Variants in TSPOAP1 observed in about 807,000 individuals in gnomAD.
TSPOAP1 encodes TSPO associated protein 1, also known as peripheral-type benzodiazepine receptor-associated protein 1.
In TSPOAP1, 87 loss-of-function variants were observed where a neutral mutation model predicts 197.0. That is an observed-to-expected ratio of 0.44 (90% CI 0.37 to 0.53). The LOEUF (loss-of-function observed/expected upper bound fraction) is 0.53. Ranked by LOEUF, TSPOAP1 falls within the 20% of genes least tolerant of loss-of-function variation. The pLI, the probability that TSPOAP1 is intolerant of heterozygous loss-of-function variation, is 0.00. For missense variants in TSPOAP1, 2,174 were observed against 2,411.3 expected (o/e 0.90, Z 2.06); for synonymous variants, 913 against 998.9 (o/e 0.91, Z 1.62).
Position 58,304,504 on chromosome 17 carries a change from G to A in TSPOAP1, c.5545-105C>T. ...GCAGGGGTGGGCCCTACTCTCCAAG[G>A]CCTTTGTGTTCACACATGGAAGCCC... On this transcript the variant is annotated intron_variant, in intron 30 of 31. Transcript: ENST00000343736. The surrounding 1 kb of genome is among the most constrained non-coding windows in gnomAD (Gnocchi z 4.2). 1 of 900,472 alleles carries A rather than the reference G, an allele frequency of 1.1e-6. No individual in the cohort carries two copies. Among genetic ancestry groups the A allele is most frequent in the Non-Finnish European group, 1.9e-6 (1 of 538,658 alleles). 55.8% of individuals were successfully genotyped at this position (900,472 alleles called of 1,614,324 possible).
Position 58,311,939 on chromosome 17 carries a change from C to T in TSPOAP1, c.2882G>A (p.Arg961Lys), listed in dbSNP as rs777046865. 2 of 1,585,018 alleles carry T rather than the reference C, an allele frequency of 1.3e-6. No homozygotes were observed. The highest frequency in any genetic ancestry group is 3.5e-5 in the Admixed American group (2 of 57,836). ...PQGPWEPGWE[R>K]LEQRAATLQF... is the part of the protein sequence containing the mutation. ...CAGGGTGGCAGCCCGCTGCTCCAGC[C>T]TCTCCCAGCCTGGTTCCCAGGGCCC... The change falls in exon 17 of 32, where the codon AGG (arginine) becomes AAG (lysine). Residue 961 changes from arginine (R) to lysine (K), a missense_variant. Physicochemically the swap from Arg to Lys is conservative, Grantham distance 26. Coordinates refer to ENST00000343736, the MANE Select transcript of TSPOAP1 (RefSeq NM_004758.4).
chr17:58,314,692 T>C (rs953635496), intron 16 of TSPOAP1, among the ~76,000 whole-genome samples: 8 of 152,228 alleles, frequency 5.3e-5, no homozygotes, highest in African/African-American at 1.9e-4. Context: ...CAAGCCACTC[T>C]ATGGTAATTG....
At position 58,328,395 on chromosome 17, in the gene TSPOAP1, T is replaced by G. The variant is rs117567132; in HGVS notation, c.-475A>C. The G allele has an allele frequency of 3.3e-3, 640 of 193,610 alleles. 3 individuals carry two copies. Among genetic ancestry groups the G allele is most frequent in the African/African-American group, 0.014 (585 of 43,136 alleles). 12.0% of individuals were successfully genotyped at this position (193,610 alleles called of 1,614,324 possible). ...TGCCAGTTGTTTGTGTGTGTGTGTG[T>G]GGGTGTCTGTATTGCAGGGCTGTGG... On this transcript the variant is annotated 5_prime_UTR_variant, in exon 1 of 32. Coordinates refer to ENST00000343736, the MANE Select transcript of TSPOAP1 (RefSeq NM_004758.4). The surrounding 1 kb of genome is among the most constrained non-coding windows in gnomAD (Gnocchi z 4.3).
In TSPOAP1 at chr17:58,304,765, G is replaced by C. The variant is rs1419686360; in HGVS notation, c.5544+296C>G. The C allele has an allele frequency of 1.7e-6, 1 of 587,254 alleles. No homozygotes were observed. 36.4% of individuals were successfully genotyped at this position (587,254 alleles called of 1,614,324 possible). ...GATTGGCCACAGGTGTGAGGCAGAGGGGTCCTTTTCCACAGGGCCCCCTCA... is the reference window on the plus strand; with the variant it reads ...GATTGGCCACAGGTGTGAGGCAGAGCGGTCCTTTTCCACAGGGCCCCCTCA... On this transcript the variant is annotated intron_variant, in intron 30 of 31. Coordinates refer to ENST00000343736, the MANE Select transcript of TSPOAP1 (RefSeq NM_004758.4). This position sits in a 1 kb window ranked among gnomAD's most constrained non-coding sequence, Gnocchi z 4.2.
chr17:58,325,167 C>T (rs902412012), intron 4 of TSPOAP1, among the ~76,000 whole-genome samples, 165 bp from the exon 5 acceptor site: 1 of 152,172 alleles, frequency 6.6e-6, no homozygotes, highest in Non-Finnish European at 1.5e-5. Context: ...GCGTATGTGG[C>T]CACATGCTCC....
intron 12 of TSPOAP1, among the ~76,000 whole-genome samples, chr17:58,319,655 C>T (rs541536170): frequency 6.6e-6 from 1 of 152,370 alleles, no homozygotes; most frequent in East Asian, 1.9e-4. Flanking sequence ...GGAGTTTTCT[C>T]AGCTCCACTG....
Position 58,327,845 on chromosome 17 carries a change from T to C in TSPOAP1, c.76A>G (p.Ser26Gly), listed in dbSNP as rs1162808632. Residue 26 changes from serine (S) to glycine (G), a missense_variant, in exon 1 of 32, where the codon AGC (serine) becomes GGC (glycine). By Grantham distance (56) the Ser-to-Gly change is moderately conservative (BLOSUM62 0). Around this residue, in one of 5 missense-constraint regions of TSPOAP1, gnomAD observed 1,933 missense variants for 2,139.0 expected, o/e 0.90. Transcript: ENST00000343736. The stretch of plus-strand genomic sequence containing the variant: ...TCACCCCCTCGACCTGGAGTCCAGC[T>C]ATGCCAGGTGGGCAGTGCCCATGGC... ...MEPWALPTWH[S>G]WTPGRGGEPS... 6.2e-7 allele frequency: 1 copy of C among 1,613,834 alleles called. No individual in the cohort carries two copies. Among genetic ancestry groups the C allele is most frequent in the Non-Finnish European group, 8.5e-7 (1 of 1,179,944 alleles).
At chr17:58,319,512 C>T (rs1253465847) in intron 12 of TSPOAP1, among the ~76,000 whole-genome samples, 1 of 152,232 alleles carries the variant, frequency 6.6e-6, no homozygotes, top group African/African-American at 2.4e-5. Flanking sequence ...CACCCCAGCC[C>T]CCTCCAGAGC....
chr17:58,307,086 T>A, intron 24 of TSPOAP1, 118 bp from the exon 25 acceptor site: 1 of 1,130,158 alleles, frequency 8.8e-7, no homozygotes. Context: ...TTGTATGCCA[T>A]GAAATGGGAA....
Position 58,305,542 on chromosome 17 carries a change from C to T in TSPOAP1, c.5359G>A (p.Glu1787Lys), listed in dbSNP as rs750593273. 2.5e-6 allele frequency: 4 copies of T among 1,606,206 alleles called. No homozygotes were observed. Among genetic ancestry groups the T allele is most frequent in the East Asian group, 2.2e-5 (1 of 44,850 alleles). The change falls in exon 28 of 32, where the codon GAG (glutamate) becomes AAG (lysine). Residue 1787 changes from glutamate (E) to lysine (K), a missense_variant and splice_region_variant. Coordinates refer to ENST00000343736, the MANE Select transcript of TSPOAP1 (RefSeq NM_004758.4). ...PQESSPNMDV[E>K]AELPFRAGDV... ...GGGCTCTATCTGAGGGTCCTCACCT[C>T]CACGTCCATATTGGGGGAACTCTCC...
Position 58,326,737 on chromosome 17 carries a change from G to A in TSPOAP1, c.387C>T (p.Ala129=). ...CACAGCGCTGCCGCAGCTCCCCCAGGGCCCTCAGCAGCTCCAGATTGGGCC... is the reference window on the plus strand; with the variant it reads ...CACAGCGCTGCCGCAGCTCCCCCAGAGCCCTCAGCAGCTCCAGATTGGGCC... ...GDRPNLELLR[A]LGELRQRCAI... Residue 129 remains alanine, a synonymous_variant, in exon 2 of 32, where the codon GCC becomes GCT. Transcript: ENST00000343736. This position sits in a 1 kb window ranked among gnomAD's most constrained non-coding sequence, Gnocchi z 4.7. 2 of 1,614,044 alleles carry A rather than the reference G, an allele frequency of 1.2e-6. No individual in the cohort carries two copies. The highest frequency in any genetic ancestry group is 8.5e-7 in the Non-Finnish European group (1 of 1,179,996).
chr17:58,318,326 T>C lies in TSPOAP1; in HGVS notation c.1826A>G (p.His609Arg), dbSNP rs1307492073. 1.2e-6 allele frequency: 2 copies of C among 1,613,450 alleles called. No individual in the cohort carries two copies. The highest frequency in any genetic ancestry group is 2.2e-5 in the East Asian group (1 of 44,858). Residue 609 changes from histidine (H) to arginine (R), a missense_variant, in exon 14 of 32, where the codon CAC (histidine) becomes CGC (arginine). By Grantham distance (29) the His-to-Arg change is conservative. Transcript: ENST00000343736. Reference protein sequence around the residue: ...KKAESLSNSSHSESIHNSPKS... With the variant: ...KKAESLSNSSRSESIHNSPKS... ...GGGGCTGTTGTGGATGGACTCGGAG[T>C]GGGAGGAGTTGGAGAGAGACTCTGC...
intron 20 of TSPOAP1, 120 bp downstream of exon 20, chr17:58,310,392 G>A: frequency 7.0e-7 from 1 of 1,434,316 alleles, no homozygotes; most frequent in African/African-American, 1.4e-5. Context: ...ACAGCCAAAG[G>A]TGTGAGAGCA....
rs2680689 is a variant in TSPOAP1 at position 58,308,757 on chromosome 17, A to G, written c.4515T>C (p.Asp1505=). 0.29 allele frequency: 474,080 copies of G among 1,612,660 alleles called. 70,406 individuals carry two copies. The highest frequency in any genetic ancestry group is 0.31 in the African/African-American group (22,963 of 74,970). The change falls in exon 22 of 32, where the codon GAT becomes GAC. Residue 1505 remains aspartate (D), a synonymous_variant. Transcript: ENST00000343736. ...LEISIEYDSE[D]EQEAGSGGIS... is the part of the protein sequence containing the mutation. Reference sequence around the variant, plus strand: ...TGCCCCCGCTGCCCGCCTCCTGCTCATCCTCCGAATCATATTCAATGCTGA... The same window carrying G: ...TGCCCCCGCTGCCCGCCTCCTGCTCGTCCTCCGAATCATATTCAATGCTGA...
chr17:58,319,391 T>C, intron 12 of TSPOAP1, 97 bp from the exon 13 acceptor site: 1 of 1,331,020 alleles, frequency 7.5e-7, no homozygotes, highest in South Asian at 1.5e-5. Context: ...TTTCAGGTCA[T>C]ATCCATCCAC....
chr17:58,325,386 A>G, intron 4 of TSPOAP1, 148 bp downstream of exon 4: 2 of 996,324 alleles, frequency 2.0e-6, no homozygotes, highest in South Asian at 1.6e-5. Flanking sequence ...CCCCTCTCCC[A>G]CCTGGGCCGT....
intron 13 of TSPOAP1, 131 bp from the exon 14 acceptor site, chr17:58,318,583 G>GTA: frequency 4.5e-6 from 4 of 885,124 alleles, no homozygotes; most frequent in Non-Finnish European, 5.0e-6. Flanking sequence ...GAAATATTTA[G>GTA]AGAGAAACTT....
chr17:58,318,162 C>T (rs976576404), intron 14 of TSPOAP1, 118 bp downstream of exon 14: 5 of 1,299,476 alleles, frequency 3.8e-6, no homozygotes, highest in East Asian at 2.4e-5. Context: ...CACCTCCCAA[C>T]TTGGGACCCC....
intron 1 of TSPOAP1, among the ~76,000 whole-genome samples, chr17:58,327,273 A>T (rs1971659366): frequency 1.3e-5 from 2 of 152,100 alleles, no homozygotes. Flanking sequence ...GGACAGACAG[A>T]CTCATGGAAG....
Sources: gnomAD v4.1 joint callset for allele counts (sites outside exome capture counted in the v4.1 genomes callset) on GRCh38, gnomAD v4.1.1 for gene constraint, gnomAD v4.1.1 regional missense constraint, Gnocchi (gnomAD v3.1) non-coding constraint, MANE v1.5 for transcripts, NCBI Gene and HGNC (gene_info 2026-07-23, HGNC 2026-07-21) for gene names.